The following TTC28 variants were observed in gnomAD, a reference collection of about 807,000 sequenced individuals.
TTC28 encodes tetratricopeptide repeat protein 28.
TTC28 carries 61 observed loss-of-function variants against 198.0 expected under a neutral mutation model. The ratio of observed to expected loss-of-function variants is 0.31; its 90% CI spans 0.25 to 0.38. TTC28 has a LOEUF of 0.38. TTC28 is among the 10% of genes least tolerant of loss of function. The probability of loss-of-function intolerance (pLI) is 1.00; values close to 1 mark genes in which losing one functional copy is unlikely to be tolerated. For missense variants in TTC28, 2,678 were observed against 3,164.0 expected, an observed-to-expected ratio of 0.85 and a Z score of 3.69; for synonymous variants, 1,171 against 1,297.8, an observed-to-expected ratio of 0.90 and a Z score of 2.10.
At chr22:28,008,335 T>G (rs1423359015) in intron 14 of TTC28, 1 of 152,202 alleles carries the variant, frequency 6.6e-6, no homozygotes, top group Non-Finnish European at 1.5e-5. Flanking sequence ...ATGAGAAGTC[T>G]TAGGTGAAAT....
intron 2 of TTC28, among the ~76,000 whole-genome samples, chr22:28,461,274 A>G (rs1202362680): frequency 6.6e-6 from 1 of 152,184 alleles, no homozygotes; most frequent in Non-Finnish European, 1.5e-5. Flanking sequence ...ATAACTATTG[A>G]CCTACCCAAA....
chr22:28,260,186 C>T (rs1931223450), intron 5 of TTC28, among the ~76,000 whole-genome samples: 1 of 152,078 alleles, frequency 6.6e-6, no homozygotes, highest in Admixed American at 6.6e-5. Context: ...CATAAACATG[C>T]CTCTAAACAA....
intron 5 of TTC28, among the ~76,000 whole-genome samples, chr22:28,240,912 T>C (rs1190252211): frequency 6.6e-6 from 1 of 151,580 alleles, no homozygotes; most frequent in South Asian, 2.1e-4. Context: ...AAATAAGAAA[T>C]AAAATAATTC....
intron 2 of TTC28, among the ~76,000 whole-genome samples, chr22:28,439,693 T>G (rs2047586583): frequency 6.6e-6 from 1 of 152,236 alleles, no homozygotes; most frequent in Non-Finnish European, 1.5e-5. Flanking sequence ...ATGACTAGCA[T>G]AGAACAAGTG....
At chr22:27,989,751 T>A (rs1170203142) in intron 21 of TTC28, 127 bp downstream of exon 21, 49 of 1,264,112 alleles carry the variant, frequency 3.9e-5, no homozygotes, top group Non-Finnish European at 5.1e-5. Context: ...CCAGCCTGAG[T>A]TAACTGTTTT....
chr22:28,589,186 C>T (rs12160862), intron 2 of TTC28, among the ~76,000 whole-genome samples: 93 of 152,268 alleles, frequency 6.1e-4, no homozygotes, highest in African/African-American at 2.1e-3. Context: ...TCTAGTTTAT[C>T]CAAATAATCC....
intron 5 of TTC28, among the ~76,000 whole-genome samples, chr22:28,199,548 T>TATATATATATATATACAC (rs60177369): frequency 1.4e-5 from 2 of 147,434 alleles, no homozygotes; most frequent in African/African-American, 5.1e-5. Context: ...TATATATATA[T>TATATATATATATATACAC]ACACACAAAC....
At chr22:28,184,256 A>G (rs1226460278) in intron 5 of TTC28, among the ~76,000 whole-genome samples, 4 of 152,204 alleles carry the variant, frequency 2.6e-5, no homozygotes, top group African/African-American at 9.6e-5. Context: ...AATAAAACTG[A>G]GTACATTAAG....
intron 2 of TTC28, among the ~76,000 whole-genome samples, chr22:28,518,261 T>G (rs2048832002): frequency 6.6e-6 from 1 of 152,184 alleles, no homozygotes; most frequent in South Asian, 2.1e-4. Flanking sequence ...GTTATCTGGT[T>G]TGTTTATATT....
chr22:28,001,998 G>A (rs1937718039), intron 14 of TTC28: 1 of 172,614 alleles, frequency 5.8e-6, no homozygotes, highest in African/African-American at 2.3e-5. Flanking sequence ...TGTAGAAGGG[G>A]ATGGGCTGGG....
At chr22:28,371,529 A>AAAAAAAAAAAAAAAAAAAAAAAAAAAAG (rs71194763) in intron 2 of TTC28, among the ~76,000 whole-genome samples, 1 of 125,698 alleles carries the variant, frequency 8.0e-6, no homozygotes, top group African/African-American at 2.9e-5. Flanking sequence ...AAAAAAAAAA[A>AAAAAAAAAAAAAAAAAAAAAAAAAAAAG]GAGTTCAGAA....
At chr22:28,677,413 G>A (rs4035564) in intron 1 of TTC28, among the ~76,000 whole-genome samples, 1 of 151,840 alleles carries the variant, frequency 6.6e-6, no homozygotes, top group South Asian at 2.1e-4. Flanking sequence ...TTGGGAAGAC[G>A]AGGCAGGTGG....
intron 2 of TTC28, among the ~76,000 whole-genome samples, chr22:28,538,082 T>C (rs2049333498): frequency 6.6e-6 from 1 of 152,208 alleles, no homozygotes; most frequent in South Asian, 2.1e-4. Flanking sequence ...TTTATAGGTA[T>C]ATCTCTTTTA....
At position 28,134,697 on chromosome 22, in the gene TTC28, G is replaced by T. The variant is rs534266760; in HGVS notation, c.1442-26294C>A. 3.3e-5 allele frequency among the ~76,000 whole-genome samples: 5 copies of T among 152,304 alleles called. No individual in the cohort carries two copies. In the East Asian group the frequency reaches 7.7e-4, roughly 24 times the overall value. ...AAGCCTCTAAGAAATATAGGACTAC[G>T]TGAAAAGACCAAATCTACGTCTGAC... On this transcript the variant is annotated intron_variant, in intron 6 of 22. Coordinates refer to ENST00000397906, the MANE Select transcript of TTC28 (RefSeq NM_001145418.2).
intron 2 of TTC28, among the ~76,000 whole-genome samples, chr22:28,404,967 G>A (rs960606126): frequency 6.7e-6 from 1 of 149,772 alleles, no homozygotes; most frequent in East Asian, 2.0e-4. Flanking sequence ...TTTGCCCATT[G>A]GTTCACTATT....
chr22:28,070,222 T>C (rs936918800), intron 12 of TTC28, among the ~76,000 whole-genome samples: 5 of 152,178 alleles, frequency 3.3e-5, no homozygotes, highest in African/African-American at 1.2e-4. Context: ...TCTGTACTGA[T>C]GTAAACTGAA....
chr22:28,035,667 G>C (rs1386650192), intron 12 of TTC28, among the ~76,000 whole-genome samples: 2 of 152,184 alleles, frequency 1.3e-5, no homozygotes, highest in Admixed American at 6.5e-5. Flanking sequence ...CTTAGCAAGA[G>C]TGCCAGAAAA....
At chr22:28,199,819 A>C (rs1364274649) in intron 5 of TTC28, among the ~76,000 whole-genome samples, 1 of 151,968 alleles carries the variant, frequency 6.6e-6, no homozygotes, top group African/African-American at 2.4e-5. Flanking sequence ...AATGAACAAA[A>C]GTGTTACTCT....
chr22:28,129,613 G>A (rs960064950), intron 6 of TTC28, among the ~76,000 whole-genome samples: 4 of 152,218 alleles, frequency 2.6e-5, no homozygotes, highest in African/African-American at 7.2e-5. Context: ...TGGTAAGGAT[G>A]AGGTGAATAC....
Sources: gnomAD v4.1 joint callset for allele counts (sites outside exome capture counted in the v4.1 genomes callset) on GRCh38, gnomAD v4.1.1 for gene constraint, MANE v1.5 for transcripts, NCBI Gene and HGNC (gene_info 2026-07-23, HGNC 2026-07-21) for gene names.